Variants in TENM2 observed in about 807,000 individuals in gnomAD.
TENM2 encodes teneurin transmembrane protein 2.
TENM2 carries 52 observed loss-of-function variants against 245.2 expected under a neutral mutation model. That is an observed-to-expected ratio of 0.21 (90% CI 0.17 to 0.27). TENM2 has a LOEUF of 0.27. TENM2 is among the 10% of genes least tolerant of loss of function. The probability of loss-of-function intolerance (pLI) is 1.00; values close to 1 mark genes in which losing one functional copy is unlikely to be tolerated. For missense variants in TENM2, 3,046 were observed against 3,666.8 expected (o/e 0.83, Z 4.37); for synonymous variants, 1,363 against 1,438.9 (o/e 0.95, Z 1.19).
chr5:168,194,906 C>A (rs1255893677), intron 14 of TENM2, among the ~76,000 whole-genome samples: 7 of 152,148 alleles, frequency 4.6e-5, no homozygotes, highest in Non-Finnish European at 1.0e-4. Context: ...TCAGGCCAAA[C>A]AAAAGCCAAA....
Position 168,155,625 on chromosome 5 carries a change from G to A in TENM2, c.2423-6986G>A, listed in dbSNP as rs774751209. ...CTTAGGCTGTGACACAATCACACAC[G>A]GAGGACACTTGATGAACCTTCATTT... On this transcript the variant is annotated intron_variant, in intron 12 of 28. Coordinates refer to ENST00000518659, the Ensembl canonical transcript of TENM2. 6.6e-5 allele frequency among the ~76,000 whole-genome samples: 10 copies of A among 152,210 alleles called. No homozygotes were observed. The East Asian group carries it at 9.7e-4, about 15-fold the overall frequency.
intron 2 of TENM2, among the ~76,000 whole-genome samples, chr5:167,618,253 A>G (rs980023350): frequency 1.3e-5 from 2 of 152,062 alleles, no homozygotes; most frequent in Non-Finnish European, 2.9e-5. Flanking sequence ...GTCCAGGGTC[A>G]CTCATAGTTG....
intron 11 of TENM2, 99 bp downstream of exon 13, chr5:168,125,149 G>A: frequency 1.0e-6 from 1 of 987,596 alleles, no homozygotes; most frequent in African/African-American, 1.6e-5. Flanking sequence ...TACTTAGCTG[G>A]GGATAAGGGG....
the TENM2 span, among the ~76,000 whole-genome samples, chr5:167,006,692 GTT>G: frequency 6.6e-6 from 1 of 151,032 alleles, no homozygotes; most frequent in African/African-American, 2.4e-5. Flanking sequence ...TTGAGGTGGA[GTT>G]TCACTCTTGT....
At chr5:167,567,005 A>C (rs1222391342) in intron 2 of TENM2, among the ~76,000 whole-genome samples, 1 of 152,076 alleles carries the variant, frequency 6.6e-6, no homozygotes, top group Non-Finnish European at 1.5e-5. Flanking sequence ...TTTTATAAGC[A>C]AAATAATTTG....
chr5:167,752,823 A>T (rs1044628576), intron 2 of TENM2, among the ~76,000 whole-genome samples: 3 of 152,206 alleles, frequency 2.0e-5, no homozygotes, highest in African/African-American at 4.8e-5. Flanking sequence ...ATTTCCATCC[A>T]GGAGAGCTGT....
intron 2 of TENM2, among the ~76,000 whole-genome samples, chr5:167,517,846 A>AG (rs575816430): frequency 6.6e-6 from 1 of 151,982 alleles, no homozygotes; most frequent in African/African-American, 2.4e-5. Context: ...CCTGGTGATG[A>AG]GGGGGGTTGA....
At chr5:168,226,683 C>G (rs1764221883) in intron 24 of TENM2, among the ~76,000 whole-genome samples, 1 of 152,248 alleles carries the variant, frequency 6.6e-6, no homozygotes, top group East Asian at 1.9e-4. Flanking sequence ...TCCTGATTCT[C>G]TCTTTTAAGC....
rs116353080 is a variant in TENM2 at position 168,254,351 on chromosome 5, G to A, written c.7433-5932G>A. Among the ~76,000 whole-genome samples, 1,412 of 152,188 alleles carry A rather than the reference G, an allele frequency of 9.3e-3. 24 individuals are homozygous for A. The highest frequency in any genetic ancestry group is 0.032 in the African/African-American group (1,347 of 41,496). Reference sequence around the variant, plus strand: ...AGAAATGCCTTCCGCAGCATGGAGCGGAGTCACTAGAATAAACATTTCCAA... The same window carrying A: ...AGAAATGCCTTCCGCAGCATGGAGCAGAGTCACTAGAATAAACATTTCCAA... On this transcript the variant is annotated intron_variant, in intron 27 of 28. Coordinates refer to ENST00000518659, the Ensembl canonical transcript of TENM2.
chr5:167,280,762 C>A (rs1402005807), upstream of TENM2, among the ~76,000 whole-genome samples: 4 of 129,966 alleles, frequency 3.1e-5, no homozygotes, highest in Non-Finnish European at 6.1e-5. Flanking sequence ...GTCTGTCTAT[C>A]TATCTATCTA....
the TENM2 span, among the ~76,000 whole-genome samples, chr5:167,053,116 C>T: frequency 2.0e-5 from 3 of 152,288 alleles, no homozygotes; most frequent in African/African-American, 7.2e-5. Context: ...CCTCCCATTT[C>T]TATCTGGTGA....
At chr5:168,123,157 G>A (rs1795594646) in intron 10 of TENM2, among the ~76,000 whole-genome samples, 1 of 151,650 alleles carries the variant, frequency 6.6e-6, no homozygotes, top group Non-Finnish European at 1.5e-5. Flanking sequence ...AACATAGCTG[G>A]ACATGGCAAT....
chr5:168,092,043 T>C (rs1792988191), intron 8 of TENM2, among the ~76,000 whole-genome samples: 1 of 152,232 alleles, frequency 6.6e-6, no homozygotes, highest in African/African-American at 2.4e-5. Flanking sequence ...GGAATATGTC[T>C]AGTATCGCTC....
At chr5:167,538,071 G>T (rs891093384) in intron 2 of TENM2, among the ~76,000 whole-genome samples, 1 of 152,212 alleles carries the variant, frequency 6.6e-6, no homozygotes, top group Non-Finnish European at 1.5e-5. Context: ...AAACTTGTTA[G>T]CCTATGCCTT....
chr5:167,710,211 G>A (rs760713558), intron 2 of TENM2, among the ~76,000 whole-genome samples: 3 of 152,098 alleles, frequency 2.0e-5, no homozygotes, highest in Non-Finnish European at 2.9e-5. Context: ...GTATGTGTGT[G>A]TATACATATG....
Position 168,216,756 on chromosome 5 carries a change from T to C in TENM2, c.4079-12T>C. ...TTCCAAGAGATAAATCCACACCGCT[T>C]GTCTTGCTCAGGTATTGCAGTAGAC... On this transcript the variant is annotated splice_polypyrimidine_tract_variant and intron_variant, in intron 21 of 28. Coordinates refer to ENST00000518659, the Ensembl canonical transcript of TENM2. The C allele has an allele frequency of 6.2e-7, 1 of 1,613,776 alleles. No homozygotes were observed. Among genetic ancestry groups the C allele is most frequent in the Non-Finnish European group, 8.5e-7 (1 of 1,179,728 alleles).
At chr5:167,716,571 A>T (rs1161655958) in intron 2 of TENM2, among the ~76,000 whole-genome samples, 1 of 152,194 alleles carries the variant, frequency 6.6e-6, no homozygotes, top group Non-Finnish European at 1.5e-5. Flanking sequence ...AGAAGCACAG[A>T]GCTTTGCTCC....
At chr5:167,278,192 T>G in the TENM2 span, among the ~76,000 whole-genome samples, 3 of 152,136 alleles carry the variant, frequency 2.0e-5, no homozygotes, top group Non-Finnish European at 2.9e-5. Context: ...TAGTCCCAGC[T>G]ACTCAGGAAG....
chr5:167,214,007 A>G, the TENM2 span, among the ~76,000 whole-genome samples: 1 of 152,212 alleles, frequency 6.6e-6, no homozygotes. Context: ...CTACTATTCT[A>G]CTCAGAAAAC....
Sources: allele counts gnomAD v4.1 joint callset (sites outside exome capture counted in the v4.1 genomes callset), GRCh38; gene constraint gnomAD v4.1.1; transcripts MANE v1.5; gene names NCBI Gene and HGNC (gene_info 2026-07-23, HGNC 2026-07-21).